Variants in PAPLN observed in about 807,000 individuals in gnomAD.
PAPLN encodes papilin, proteoglycan like sulfated glycoprotein.
Under a neutral mutation model 159.0 loss-of-function variants are expected in PAPLN, and 146 were observed. That is an observed-to-expected ratio of 0.92 (90% confidence interval 0.80 to 1.05). PAPLN has a LOEUF of 1.05. PAPLN is among the 50% of genes least tolerant of loss of function. The pLI, the probability that PAPLN is intolerant of heterozygous loss-of-function variation, is 0.00. For synonymous variants in PAPLN, 734 were observed against 702.9 expected (o/e 1.04, Z -0.70); for missense variants, 1,720 against 1,743.9 (o/e 0.99, Z 0.24).
At position 73,272,735 on chromosome 14, in the gene PAPLN, G is replaced by C. The variant is rs562926494; in HGVS notation, c.*71G>C. The C allele has an allele frequency of 2.9e-6, 4 of 1,379,122 alleles. No homozygotes were observed. In the African/African-American group the frequency reaches 5.8e-5, roughly 20 times the overall value. 85.4% of individuals were successfully genotyped at this position (1,379,122 alleles called of 1,614,324 possible). On this transcript the variant is annotated 3_prime_UTR_variant, in exon 27 of 27. Transcript: ENST00000644200. ...TAGGGAGAAAGGAAGATGGACTCTT[G>C]GCTTCCTCTCTCTGGCTGGCAAAGG...
At chr14:73,260,857 C>T (rs987260580) in intron 17 of PAPLN, 28 bp downstream of exon 17, 15 of 1,494,298 alleles carry the variant, frequency 1.0e-5, no homozygotes, top group Middle Eastern at 1.8e-4. Context: ...GGGAGGGGAG[C>T]AGGGGGCCAG....
intron 21 of PAPLN, 111 bp downstream of exon 21, chr14:73,264,446 C>A: frequency 6.5e-7 from 1 of 1,527,470 alleles, no homozygotes; most frequent in Non-Finnish European, 8.8e-7. Context: ...CAGGGTGTCT[C>A]TCTGAGTCAA....
chr14:73,255,480 A>G (rs1885801960), intron 14 of PAPLN, among the ~76,000 whole-genome samples: 1 of 152,182 alleles, frequency 6.6e-6, no homozygotes, highest in Non-Finnish European at 1.5e-5. Flanking sequence ...TGAGGGAAGG[A>G]GGCAGTCCAG....
rs966215541 is a variant in PAPLN at position 73,273,968 on chromosome 14, G to T, written c.*1304G>T. The T allele has an allele frequency of 1.6e-4, 24 of 152,348 alleles. No homozygotes were observed. The highest frequency in any genetic ancestry group is 5.8e-4 in the African/African-American group (24 of 41,580). The allele number at this position is 152,348 out of a possible 1,614,324, so 9.4% of individuals were successfully genotyped here. On this transcript the variant is annotated 3_prime_UTR_variant, in exon 27 of 27. Coordinates refer to ENST00000644200, the MANE Select transcript of PAPLN (RefSeq NM_001365906.3). ...AGATGTTGGACCTTGAAGCCCTCCT[G>T]AGGCCAACATGCAAATCTGGCTGTG... is the stretch of plus-strand genomic sequence containing the variant.
intron 5 of PAPLN, among the ~76,000 whole-genome samples, chr14:73,247,715 G>T (rs952458192): frequency 1.9e-4 from 27 of 140,676 alleles, no homozygotes; most frequent in Non-Finnish European, 3.4e-4. Flanking sequence ...TGGCCCAGTG[G>T]GAGTCTCATG....
Position 73,251,739 on chromosome 14 carries a change from C to A in PAPLN, c.746C>A (p.Ala249Asp). Reference protein sequence around the residue: ...TIEAARALPAASTILHYERGA... With the variant: ...TIEAARALPADSTILHYERGA... ...GAGGCGGCCCGGGCCCTGCCAGCAG[C>A]CAGCACCATCCTGCATTACGAGCGG... Residue 249 changes from alanine to aspartate, a missense_variant, in exon 9 of 27, where the codon GCC becomes GAC. Ala to Asp is a moderately radical substitution (Grantham distance 126). Transcript: ENST00000644200. The A allele has an allele frequency of 6.2e-7, 1 of 1,613,162 alleles. No individual in the cohort carries two copies. Among genetic ancestry groups the A allele is most frequent in the Non-Finnish European group, 8.5e-7 (1 of 1,179,928 alleles).
intron 12 of PAPLN, among the ~76,000 whole-genome samples, chr14:73,254,309 G>A (rs1469310245): frequency 6.6e-6 from 1 of 152,146 alleles, no homozygotes; most frequent in African/African-American, 2.4e-5. Context: ...AATACAAATG[G>A]GTGACAACCT....
In PAPLN at chr14:73,263,901, T is replaced by C. The variant is rs566049421; in HGVS notation, c.2861+119T>C. 2.7e-3 allele frequency: 2,083 copies of C among 774,330 alleles called. 5 individuals carry two copies. The highest frequency in any genetic ancestry group is 3.8e-3 in the East Asian group (86 of 22,772). The allele number at this position is 774,330 out of a possible 1,614,324, so 48.0% of individuals were successfully genotyped here. A position where few individuals can be genotyped will look rare whatever the true frequency, so the allele number is the denominator to read the frequency against. ...TAGGTGTGACAGACCCCCTCCTCCT[T>C]TGACAGGTGTGTGTGACAGCCCCCC... On this transcript the variant is annotated intron_variant, in intron 20 of 26. Coordinates refer to ENST00000644200, the MANE Select transcript of PAPLN (RefSeq NM_001365906.3).
At position 73,259,270 on chromosome 14, in the gene PAPLN, C is replaced by T. The variant is rs1886282771; in HGVS notation, c.1710C>T (p.Asp570=). 6.4e-7 allele frequency: 1 copy of T among 1,552,276 alleles called. No individual in the cohort carries two copies. The highest frequency in any genetic ancestry group is 8.7e-7 in the Non-Finnish European group (1 of 1,146,802). The change falls in exon 16 of 27, where the codon GAC becomes GAT. Residue 570 remains aspartate, a splice_region_variant and synonymous_variant. Transcript: ENST00000644200. ...PLGPQESPAS[D]SRGQWWAAQE... ...GTGTCTTTTGCTTCTTCTTTCTAGACTCCAGAGGCCAGTGGTGGGCAGCCC... is the reference window on the plus strand; with the variant it reads ...GTGTCTTTTGCTTCTTCTTTCTAGATTCCAGAGGCCAGTGGTGGGCAGCCC...
Position 73,263,941 on chromosome 14 carries a change from GGTGT to G in PAPLN, c.2861+165_2861+168del, listed in dbSNP as rs749221569. The G allele has an allele frequency of 1.1e-5, 15 of 1,412,182 alleles. No homozygotes were observed. In the East Asian group the frequency reaches 2.5e-4, roughly 24 times the overall value. The allele number at this position is 1,412,182 out of a possible 1,614,324, so 87.5% of individuals were successfully genotyped here. A position where few individuals can be genotyped will look rare whatever the true frequency, so the allele number is the denominator to read the frequency against. On this transcript the variant is annotated intron_variant, in intron 20 of 26. Coordinates refer to ENST00000644200, the MANE Select transcript of PAPLN (RefSeq NM_001365906.3). ...GACAGCCCCCCTACCCCCTCTGACA[GGTGT>G]GTGTGACGGCCCCCCGACCTCCTCT...
At chr14:73,236,508 T>C (rs1883039170), upstream of PAPLN, among the ~76,000 whole-genome samples, 1 of 152,006 alleles carries the variant, frequency 6.6e-6, no homozygotes, top group Non-Finnish European at 1.5e-5. Flanking sequence ...GGCGAGACCT[T>C]GTTTCTATTT....
rs1885718417 is a variant in PAPLN, at chr14:73,254,865, C to T, written c.1486-12C>T. The T allele has an allele frequency of 9.9e-6, 16 of 1,610,288 alleles. No homozygotes were observed. Among genetic ancestry groups the T allele is most frequent in the African/African-American group, 1.3e-5 (1 of 75,034 alleles). ...CCTCAGCATCTCTCTCTCTCCCACT[C>T]GTGGGCCTCAGTGCTCCAAGAGCTG... On this transcript the variant is annotated splice_polypyrimidine_tract_variant and intron_variant, in intron 13 of 26. Transcript: ENST00000644200.
At chr14:73,272,391 A>G in intron 26 of PAPLN, 104 bp from the exon 27 acceptor site, 1 of 1,128,098 alleles carries the variant, frequency 8.9e-7, no homozygotes, top group Non-Finnish European at 1.2e-6. Flanking sequence ...TCAATCTGGC[A>G]GTTATAATGC....
chr14:73,261,292 A>G lies in PAPLN; in HGVS notation c.2243A>G (p.His748Arg). The G allele has an allele frequency of 6.2e-7, 1 of 1,613,572 alleles. No individual in the cohort carries two copies. The highest frequency in any genetic ancestry group is 8.5e-7 in the Non-Finnish European group (1 of 1,179,934). Reference sequence around the variant, plus strand: ...GAAGGCTGTGTGGGCCAGCCCAGCCATGGTGAGTGGACACCCCCTCTCCTC... The same window carrying G: ...GAAGGCTGTGTGGGCCAGCCCAGCCGTGGTGAGTGGACACCCCCTCTCCTC... ...LGEGCVGQPS[H>R]AYPVRCLLPS... is the part of the protein sequence containing the mutation. The change falls in exon 18 of 27, where the codon CAT (histidine) becomes CGT (arginine). Residue 748 changes from histidine (H) to arginine (R), a missense_variant and splice_region_variant. By Grantham distance (29) the His-to-Arg change is conservative. Coordinates refer to ENST00000644200, the MANE Select transcript of PAPLN (RefSeq NM_001365906.3).
chr14:73,253,165 T>C (rs780327449), intron 11 of PAPLN: 1 of 1,368,692 alleles, frequency 7.3e-7, no homozygotes, highest in East Asian at 4.4e-5. Flanking sequence ...ACAAAGGACC[T>C]CTTACCTGCA....
chr14:73,264,078 C>A (rs970022260), intron 20 of PAPLN, 133 bp from the exon 21 acceptor site: 6 of 1,531,804 alleles, frequency 3.9e-6, no homozygotes, highest in Non-Finnish European at 8.8e-7. Context: ...AGCATATTCC[C>A]CCAGCCTCAC....
chr14:73,236,111 C>A (rs550450525), upstream of PAPLN, among the ~76,000 whole-genome samples: 1 of 152,158 alleles, frequency 6.6e-6, no homozygotes, highest in Non-Finnish European at 1.5e-5. Context: ...CTTCTTCCCC[C>A]CAACCTCCCT....
At chr14:73,264,864 A>G in intron 22 of PAPLN, 138 bp downstream of exon 22, 1 of 1,378,850 alleles carries the variant, frequency 7.3e-7, no homozygotes, top group Non-Finnish European at 9.9e-7. Context: ...CCAGGCCTAG[A>G]AAAACAGGGC....
rs1887251840 is a variant in PAPLN at position 73,266,769 on chromosome 14, G to T, written c.3438G>T (p.Glu1146Asp). 3.1e-6 allele frequency: 5 copies of T among 1,614,024 alleles called. No individual in the cohort carries two copies. The highest frequency in any genetic ancestry group is 4.2e-6 in the Non-Finnish European group (5 of 1,179,938). Reference sequence around the variant, plus strand: ...TGCCCCCTACTGTGACAGTGCCAGAGGGTGATACGGCCAGGCTATTGTGTG... The same window carrying T: ...TGCCCCCTACTGTGACAGTGCCAGATGGTGATACGGCCAGGCTATTGTGTG... Reference protein sequence around the residue: ...SGLPPTVTVPEGDTARLLCVV... With the variant: ...SGLPPTVTVPDGDTARLLCVV... Residue 1146 changes from glutamate (E) to aspartate (D), a missense_variant, in exon 25 of 27, where the codon GAG becomes GAT. Glu to Asp is a conservative substitution (Grantham distance 45). Transcript: ENST00000644200.
Sources: allele counts gnomAD v4.1 joint callset (sites outside exome capture counted in the v4.1 genomes callset), GRCh38; gene constraint gnomAD v4.1.1; transcripts MANE v1.5; gene names NCBI Gene and HGNC (gene_info 2026-07-23, HGNC 2026-07-21).